The following TMCO6 variants were observed in gnomAD, a reference collection of about 807,000 sequenced individuals.
TMCO6 encodes the protein transmembrane and coiled-coil domain-containing protein 6.
In TMCO6, 47 loss-of-function variants were observed where a neutral mutation model predicts 61.8. The observed-to-expected ratio is 0.76, with a 90% CI of 0.60 to 0.97. The LOEUF (loss-of-function observed/expected upper bound fraction) is 0.97. TMCO6 is among the 50% of genes least tolerant of loss of function. The probability of loss-of-function intolerance (pLI) is 0.00; values close to 1 mark genes in which losing one functional copy is unlikely to be tolerated. For missense variants in TMCO6, 557 were observed against 601.6 expected, an observed-to-expected ratio of 0.93 and a Z score of 0.78; for synonymous variants, 261 against 254.2, an observed-to-expected ratio of 1.03 and a Z score of -0.25.
chr5:140,634,063 C>T, the TMCO6 span, among the ~76,000 whole-genome samples: 1 of 152,158 alleles, frequency 6.6e-6, no homozygotes, highest in South Asian at 2.1e-4. Flanking sequence ...GCTGGGATTA[C>T]AGGCGTGAGC....
rs1389601204 is a variant in TMCO6, at chr5:140,639,755, G to C, written c.102G>C (p.Arg34=). 1 of 1,600,496 alleles carries C rather than the reference G, an allele frequency of 6.2e-7. No individual in the cohort carries two copies. Among genetic ancestry groups the C allele is most frequent in the Admixed American group, 1.7e-5 (1 of 57,302 alleles). ...TGCCCCCAGCACTGCGGAAGGCGCG[G>C]AGGGAGCAGCAGCTGGTCAGCAAGA... is the stretch of plus-strand genomic sequence containing the variant. The part of the protein sequence containing the change: ...REREAALRKA[R]REQQLVSKRL... The change falls in exon 2 of 12, where the codon CGG becomes CGC. Residue 34 remains arginine, a synonymous_variant. Coordinates refer to ENST00000394671, the MANE Select transcript of TMCO6 (RefSeq NM_018502.5).
intron 11 of TMCO6, 112 bp downstream of exon 11, chr5:140,644,852 T>C (rs1757300954): frequency 6.6e-7 from 1 of 1,516,740 alleles, no homozygotes; most frequent in South Asian, 1.2e-5. Context: ...CTAACCTATA[T>C]AGGTTCCATG....
At chr5:140,642,795 C>T in intron 6 of TMCO6, 124 bp downstream of exon 6, 3 of 1,588,714 alleles carry the variant, frequency 1.9e-6, no homozygotes, top group Non-Finnish European at 2.6e-6. Context: ...CTAGGAAGGG[C>T]TTTGGGTTTG....
the TMCO6 span, among the ~76,000 whole-genome samples, chr5:140,624,392 T>C: frequency 2.1e-5 from 3 of 144,126 alleles, no homozygotes; most frequent in Non-Finnish European, 4.6e-5. Flanking sequence ...AATAAATAAA[T>C]AAAGTATTCA....
At chr5:140,633,156 C>A in the TMCO6 span, 1 of 1,563,860 alleles carries the variant, frequency 6.4e-7, no homozygotes, top group East Asian at 2.3e-5. Context: ...CACCCGCCGG[C>A]TTCCAGGCTT....
At chr5:140,632,701 T>C in the TMCO6 span, 1 of 1,613,736 alleles carries the variant, frequency 6.2e-7, no homozygotes, top group Non-Finnish European at 8.5e-7. The surrounding 1 kb of genome is among the most constrained non-coding windows in gnomAD (Gnocchi z 6.2). Flanking sequence ...GCTCCCACTG[T>C]GAGCCGCCGC....
chr5:140,632,270 T>C, the TMCO6 span: 1 of 1,613,776 alleles, frequency 6.2e-7, no homozygotes, highest in Non-Finnish European at 8.5e-7. This position sits in a 1 kb window ranked among gnomAD's most constrained non-coding sequence, Gnocchi z 6.2. Context: ...CGCACACGCC[T>C]GTGGGCGTCT....
chr5:140,646,932 C>T, downstream of TMCO6: 1 of 260,704 alleles, frequency 3.8e-6, no homozygotes, highest in Non-Finnish European at 7.4e-6. Context: ...CACACACTAC[C>T]TGGACTGACA....
the TMCO6 span, among the ~76,000 whole-genome samples, chr5:140,605,710 C>T: frequency 2.0e-5 from 2 of 98,640 alleles, no homozygotes; most frequent in Admixed American, 9.8e-5. Context: ...CACACACACA[C>T]ACACACACAC....
At chr5:140,609,711 A>G in the TMCO6 span, among the ~76,000 whole-genome samples, 5 of 151,894 alleles carry the variant, frequency 3.3e-5, no homozygotes, top group Non-Finnish European at 7.4e-5. Flanking sequence ...CTTGACAATC[A>G]TAAGATCTAT....
the TMCO6 span, among the ~76,000 whole-genome samples, chr5:140,606,665 G>T: frequency 6.6e-6 from 1 of 152,100 alleles, no homozygotes; most frequent in Admixed American, 6.5e-5. Flanking sequence ...GGTGGCTCAC[G>T]CCTGTAATCC....
At chr5:140,629,657 G>A in the TMCO6 span, among the ~76,000 whole-genome samples, 1 of 152,126 alleles carries the variant, frequency 6.6e-6, no homozygotes, top group East Asian at 1.9e-4. Flanking sequence ...AACCTGGCTG[G>A]GTGTGGTGGC....
In TMCO6 at chr5:140,639,459, T is replaced by C; in HGVS notation, c.-69T>C. 6.8e-7 allele frequency: 1 copy of C among 1,467,422 alleles called. No individual in the cohort carries two copies. The highest frequency in any genetic ancestry group is 2.5e-5 in the East Asian group (1 of 40,488). The allele number at this position is 1,467,422 out of a possible 1,614,324, so 90.9% of individuals were successfully genotyped here. A position where few individuals can be genotyped will look rare whatever the true frequency, so the allele number is the denominator to read the frequency against. On this transcript the variant is annotated 5_prime_UTR_variant, in exon 1 of 12. Coordinates refer to ENST00000394671, the MANE Select transcript of TMCO6 (RefSeq NM_018502.5). ...CCCTGTGCTGAGGCTGCGCAGTCGG[T>C]GCCATCTTCTACGCCCCTGGGAGCG...
chr5:140,617,138 G>C, the TMCO6 span, among the ~76,000 whole-genome samples: 1 of 152,108 alleles, frequency 6.6e-6, no homozygotes. Context: ...AGATACTCAA[G>C]GTCTTGGCTG....
At chr5:140,639,942 A>C in intron 2 of TMCO6, 91 bp downstream of exon 2, 1 of 1,082,722 alleles carries the variant, frequency 9.2e-7, no homozygotes, top group Non-Finnish European at 1.4e-6. Flanking sequence ...CCTGAACGCA[A>C]TCCACTCTAC....
chr5:140,620,122 C>A, the TMCO6 span, among the ~76,000 whole-genome samples: 2 of 152,198 alleles, frequency 1.3e-5, no homozygotes, highest in East Asian at 3.9e-4. Context: ...AACTTGGGGG[C>A]AACTAAGATG....
At chr5:140,632,109 G>C in the TMCO6 span, 10 of 1,614,090 alleles carry the variant, frequency 6.2e-6, no homozygotes, top group South Asian at 9.9e-5. The surrounding 1 kb of genome is among the most constrained non-coding windows in gnomAD (Gnocchi z 6.2). Context: ...CAGTCCTTTA[G>C]GCACCTGTTC....
Position 140,645,248 on chromosome 5 carries a change from TC to T in TMCO6, c.*152del. 3.8e-6 allele frequency: 3 copies of T among 791,154 alleles called. No individual in the cohort carries two copies. Among genetic ancestry groups the T allele is most frequent in the Non-Finnish European group, 4.1e-6 (2 of 485,192 alleles). 49.0% of individuals were successfully genotyped at this position (791,154 alleles called of 1,614,324 possible). ...ACCTTTGGGTCCCAGCTCCTCCCCT[TC>T]CACTCAGCACTATCCAGGCAGGAGG... On this transcript the variant is annotated 3_prime_UTR_variant, in exon 12 of 12. Coordinates refer to ENST00000394671, the MANE Select transcript of TMCO6 (RefSeq NM_018502.5).
At chr5:140,645,558 G>C (rs1349590193), downstream of TMCO6, 1 of 1,613,540 alleles carries the variant, frequency 6.2e-7, no homozygotes, top group Non-Finnish European at 8.5e-7. Context: ...AGGCTCTGGG[G>C]CTGTTGCTCT....
Sources: allele counts gnomAD v4.1 joint callset (sites outside exome capture counted in the v4.1 genomes callset), GRCh38; gene constraint gnomAD v4.1.1; non-coding constraint Gnocchi (gnomAD v3.1); transcripts MANE v1.5; gene names NCBI Gene and HGNC (gene_info 2026-07-23, HGNC 2026-07-21).